The following NAMPT variants were observed in gnomAD, a reference collection of about 807,000 sequenced individuals.
NAMPT encodes nicotinamide phosphoribosyltransferase, also known as NAmPRTase.
Under a neutral mutation model 58.7 loss-of-function variants are expected in NAMPT, and 7 were observed. The observed-to-expected ratio is 0.12, with a 90% CI of 0.07 to 0.22. The LOEUF (loss-of-function observed/expected upper bound fraction) is 0.22, where lower values mean the gene tolerates loss of function less well. Ranked by LOEUF, NAMPT falls within the 10% of genes least tolerant of loss-of-function variation. NAMPT has a pLI of 1.00. For missense variants in NAMPT, 271 were observed against 567.9 expected (o/e 0.48, Z 5.31); for synonymous variants, 145 against 198.1 (o/e 0.73, Z 2.25).
chr7:106,254,250 A>AACTGT (rs1246275454), intron 9 of NAMPT, 114 bp downstream of exon 9: 1 of 1,178,600 alleles, frequency 8.5e-7, no homozygotes, highest in Non-Finnish European at 1.2e-6. Context: ...AGTACCCAAC[A>AACTGT]ACATATTAAC....
chr7:106,265,034 A>T (rs566357605), intron 6 of NAMPT, among the ~76,000 whole-genome samples: 1 of 152,258 alleles, frequency 6.6e-6, no homozygotes, highest in East Asian at 1.9e-4. Flanking sequence ...CTCATTAGTG[A>T]ACACTCTTCT....
At chr7:106,278,173 T>C (rs1009423321) in intron 1 of NAMPT, among the ~76,000 whole-genome samples, 2 of 152,182 alleles carry the variant, frequency 1.3e-5, no homozygotes, top group Non-Finnish European at 2.9e-5. Flanking sequence ...GCCAATGCTG[T>C]CTTTGGGTAC....
rs1792131018 is a variant in NAMPT at position 106,253,061 on chromosome 7, C to T, written c.1321G>A (p.Val441Ile). Residue 441 changes from valine (V) to isoleucine (I), a missense_variant, in exon 10 of 11, where the codon GTT (valine) becomes ATT (isoleucine). By Grantham distance (29) the Val-to-Ile change is conservative (BLOSUM62 3). Coordinates refer to ENST00000222553, the MANE Select transcript of NAMPT (RefSeq NM_005746.3). ...TCTCCTTTTCCTTCCTCCAGTGTAA[C>T]AAAATTCCCTGCTGGCGTCCTATGT... ...SLHRTPAGNF[V>I]TLEEGKGDLE... 6.2e-7 allele frequency: 1 copy of T among 1,613,282 alleles called. No homozygotes were observed. The highest frequency in any genetic ancestry group is 8.5e-7 in the Non-Finnish European group (1 of 1,179,506).
At chr7:106,271,468 C>CT (rs1258314504) in intron 4 of NAMPT, among the ~76,000 whole-genome samples, 1 of 152,202 alleles carries the variant, frequency 6.6e-6, no homozygotes, top group Non-Finnish European at 1.5e-5. Context: ...ACATCTTACT[C>CT]TAACTTCTGT....
intron 6 of NAMPT, among the ~76,000 whole-genome samples, chr7:106,267,876 A>AAAC (rs1189395299): frequency 7.7e-6 from 1 of 130,394 alleles, no homozygotes; most frequent in African/African-American, 2.8e-5. Context: ...AAAAAAAAAA[A>AAAC]CAACCTGATT....
At chr7:106,285,073 G>C, upstream of NAMPT, 5 of 1,356,134 alleles carry the variant, frequency 3.7e-6, no homozygotes, top group Non-Finnish European at 4.8e-6. Flanking sequence ...CGCGGCGCGG[G>C]TGACGGCTGC....
At chr7:106,284,559 G>GC (rs1177973006) in intron 1 of NAMPT, 3 of 178,152 alleles carry the variant, frequency 1.7e-5, no homozygotes, top group Non-Finnish European at 3.3e-5. Flanking sequence ...GCCCGCCTCA[G>GC]CCCCCCGCCG....
At chr7:106,285,500 C>T (rs770153179), upstream of NAMPT, 15 of 974,674 alleles carry the variant, frequency 1.5e-5, no homozygotes, top group African/African-American at 1.8e-5. Context: ...CGAGGAGCCT[C>T]CTACTGCCCA....
intron 1 of NAMPT, among the ~76,000 whole-genome samples, chr7:106,280,638 A>T (rs1792743265): frequency 6.6e-6 from 1 of 152,114 alleles, no homozygotes; most frequent in Non-Finnish European, 1.5e-5. Flanking sequence ...TCTGAACATC[A>T]ATACATATGT....
intron 4 of NAMPT, among the ~76,000 whole-genome samples, chr7:106,271,505 G>A (rs1792532437): frequency 6.6e-6 from 1 of 152,000 alleles, no homozygotes; most frequent in Non-Finnish European, 1.5e-5. Context: ...GTACATAGCT[G>A]GTACTTAATC....
chr7:106,276,274 G>C (rs1370312837), intron 2 of NAMPT: 2 of 152,106 alleles, frequency 1.3e-5, no homozygotes, highest in Non-Finnish European at 2.9e-5. Context: ...TTTGGGAACT[G>C]TTTTCCCCCT....
intron 6 of NAMPT, among the ~76,000 whole-genome samples, chr7:106,267,719 T>C (rs1792441832): frequency 6.7e-6 from 1 of 148,524 alleles, no homozygotes; most frequent in Admixed American, 6.7e-5. Context: ...CGGGCGCCTG[T>C]AGTCCCAGCT....
chr7:106,276,979 A>G, intron 2 of NAMPT, 44 bp downstream of exon 2: 1 of 1,436,884 alleles, frequency 7.0e-7, no homozygotes, highest in Non-Finnish European at 9.8e-7. Flanking sequence ...TAAAGGAGTT[A>G]AGAGTAATAA....
intron 4 of NAMPT, among the ~76,000 whole-genome samples, chr7:106,270,026 A>C (rs186623840): frequency 7.0e-4 from 106 of 152,356 alleles, no homozygotes; most frequent in Admixed American, 2.2e-3. Context: ...TATGTTGTAT[A>C]ATCAAGGTCA....
upstream of NAMPT, chr7:106,285,158 C>T (rs1477250550): frequency 3.2e-6 from 4 of 1,250,714 alleles, no homozygotes; most frequent in Admixed American, 3.9e-5. Context: ...ACCCCGTCAC[C>T]CTCCGGGGGC....
At chr7:106,280,017 G>C (rs1792730441) in intron 1 of NAMPT, among the ~76,000 whole-genome samples, 2 of 152,134 alleles carry the variant, frequency 1.3e-5, no homozygotes, top group Admixed American at 6.5e-5. Context: ...ATCATGTAAG[G>C]CTTACAGACT....
intron 8 of NAMPT, among the ~76,000 whole-genome samples, chr7:106,258,962 T>G (rs895997387): frequency 6.6e-6 from 1 of 152,216 alleles, no homozygotes; most frequent in Admixed American, 6.5e-5. Flanking sequence ...TTTGGTACGA[T>G]AGCGTTCACC....
intron 6 of NAMPT, among the ~76,000 whole-genome samples, chr7:106,267,874 A>AAAAAAAAAAAAAAAAAAAAC (rs1453900060): frequency 7.4e-6 from 1 of 135,172 alleles, no homozygotes; most frequent in Non-Finnish European, 1.6e-5. Context: ...AAAAAAAAAA[A>AAAAAAAAAAAAAAAAAAAAC]AACAACCTGA....
At chr7:106,256,640 A>ACACTT (rs1240638211) in intron 8 of NAMPT, among the ~76,000 whole-genome samples, 1 of 152,236 alleles carries the variant, frequency 6.6e-6, no homozygotes, top group Non-Finnish European at 1.5e-5. Context: ...GAGATATTCA[A>ACACTT]CACTTTACTA....
Sources: gnomAD v4.1 joint callset for allele counts (sites outside exome capture counted in the v4.1 genomes callset) on GRCh38, gnomAD v4.1.1 for gene constraint, MANE v1.5 for transcripts, NCBI Gene and HGNC (gene_info 2026-07-23, HGNC 2026-07-21) for gene names.